DNAH5: variants seen among roughly 807,000 people sequenced by gnomAD.
DNAH5 encodes axonemal beta dynein heavy chain 5.
A neutral mutation model predicts 518.2 loss-of-function variants in DNAH5; 372 were observed. That is an observed-to-expected ratio of 0.72 (90% CI 0.66 to 0.78). The LOEUF is 0.78. Among genes scored for constraint, DNAH5 ranks in the 30% least tolerant of loss-of-function variants. The pLI, the probability that DNAH5 is intolerant of heterozygous loss-of-function variation, is 0.00. For synonymous variants in DNAH5, 2,039 were observed against 2,025.9 expected (o/e 1.01, Z -0.17); for missense variants, 5,523 against 5,687.0 (o/e 0.97, Z 0.93).
chr5:13,971,460 C>T (rs777514103), intron 1 of DNAH5, among the ~76,000 whole-genome samples: 8 of 152,236 alleles, frequency 5.3e-5, no homozygotes, highest in Non-Finnish European at 8.8e-5. Context: ...TTTGTCCCAC[C>T]GCGTGCTCCC....
intron 35 of DNAH5, among the ~76,000 whole-genome samples, chr5:13,834,001 T>C (rs1764038782): frequency 6.6e-6 from 1 of 152,228 alleles, no homozygotes; most frequent in African/African-American, 2.4e-5. Context: ...CCTCCAGCAT[T>C]TGACTTTTTA....
chr5:13,921,746 A>C (rs1580900314), intron 5 of DNAH5, among the ~76,000 whole-genome samples: 12 of 76,704 alleles, frequency 1.6e-4, no homozygotes, highest in South Asian at 4.0e-4. Context: ...TGCCGCCCAC[A>C]CACACCCCCC....
At chr5:13,994,371 G>A (rs547585231) in intron 1 of DNAH5, among the ~76,000 whole-genome samples, 81 of 152,250 alleles carry the variant, frequency 5.3e-4, no homozygotes, top group African/African-American at 1.8e-3. Flanking sequence ...AGAAGAGTAC[G>A]ATCATCATTC....
chr5:13,889,533 G>T (rs914666886), intron 17 of DNAH5, among the ~76,000 whole-genome samples: 1 of 152,150 alleles, frequency 6.6e-6, no homozygotes, highest in African/African-American at 2.4e-5. Flanking sequence ...TTTTAGGAGG[G>T]TTCCCCCTGT....
chr5:13,855,291 C>T (rs1767468518), intron 30 of DNAH5, among the ~76,000 whole-genome samples: 1 of 48,626 alleles, frequency 2.1e-5, no homozygotes, highest in African/African-American at 6.6e-5. Context: ...TCACTGCAAG[C>T]TCCGCCTCCC....
chr5:13,861,192 T>A (rs955066691), intron 29 of DNAH5, among the ~76,000 whole-genome samples: 1 of 152,210 alleles, frequency 6.6e-6, no homozygotes, highest in Admixed American at 6.5e-5. Flanking sequence ...GAGTGTCTTT[T>A]CTATCTCCCT....
At chr5:13,906,588 C>T (rs546507329) in intron 12 of DNAH5, among the ~76,000 whole-genome samples, 3 of 152,194 alleles carry the variant, frequency 2.0e-5, no homozygotes, top group East Asian at 1.9e-4. Flanking sequence ...AACTAGGCCA[C>T]GGAGGACATC....
At chr5:13,927,219 G>T (rs1443317748) in intron 3 of DNAH5, among the ~76,000 whole-genome samples, 1 of 152,112 alleles carries the variant, frequency 6.6e-6, no homozygotes, top group Admixed American at 6.5e-5. Flanking sequence ...TTTGGGCCAG[G>T]CACGGTGGCT....
chr5:13,823,721 G>A (rs975219112), intron 39 of DNAH5, among the ~76,000 whole-genome samples: 2 of 152,154 alleles, frequency 1.3e-5, no homozygotes, highest in African/African-American at 4.8e-5. Context: ...GCAGGTTTGT[G>A]AATTGGAATT....
At chr5:13,818,358 G>A (rs912767854) in intron 41 of DNAH5, among the ~76,000 whole-genome samples, 1 of 152,202 alleles carries the variant, frequency 6.6e-6, no homozygotes, top group Admixed American at 6.5e-5. Flanking sequence ...CAGCACTTTG[G>A]GGGGCCAAGG....
Position 13,978,118 on chromosome 5 carries a change from C to T in DNAH5, c.12+33530G>A, listed in dbSNP as rs569748424. The stretch of plus-strand genomic sequence containing the variant: ...TATGGAGCACTTTCATGCACAGACA[C>T]ACTGTGGCTTCAAGCTTGTAACAGC... On this transcript the variant is annotated intron_variant, in intron 1 of 78. Transcript: ENST00000681290. Among the ~76,000 whole-genome samples, 136 of 152,318 alleles carry T rather than the reference C, an allele frequency of 8.9e-4. 1 individual carries two copies. The highest frequency in any genetic ancestry group is 3.4e-3 in the Middle Eastern group (1 of 294).
intron 65 of DNAH5, among the ~76,000 whole-genome samples, chr5:13,742,583 A>G (rs1330641848): frequency 6.6e-6 from 1 of 152,138 alleles, no homozygotes; most frequent in East Asian, 1.9e-4. Flanking sequence ...AAATAAACAT[A>G]GTAACGATGT....
At position 13,900,255 on chromosome 5, in the gene DNAH5, G is replaced by A; in HGVS notation, c.2210C>T (p.Ser737Phe). 6.2e-7 allele frequency: 1 copy of A among 1,614,128 alleles called. No individual in the cohort carries two copies. The highest frequency in any genetic ancestry group is 8.5e-7 in the Non-Finnish European group (1 of 1,179,988). The change falls in exon 15 of 79, where the codon TCC becomes TTC. Residue 737 changes from serine (S) to phenylalanine (F), a missense_variant. Ser to Phe is a radical substitution (Grantham distance 155). Around this residue, in one of 3 missense-constraint regions of DNAH5, gnomAD observed 5,121 missense variants for 5,223.3 expected, o/e 0.98. Transcript: ENST00000265104. ...GTATCTATCTCGTTTCTGGAAGAGG[G>A]AAGTTGCCAGTGGAGAGACTTCCAG... ...MGLEVSPLATSLFQKRDRYKR... is the reference protein window; with the variant it reads ...MGLEVSPLATFLFQKRDRYKR...
intron 8 of DNAH5, 67 bp downstream of exon 8, chr5:13,917,076 A>C (rs1776721760): frequency 8.0e-7 from 1 of 1,242,762 alleles, no homozygotes; most frequent in Admixed American, 1.7e-5. Context: ...AACAAAATTC[A>C]ATATTCAATT....
In DNAH5 at chr5:13,900,355, CT is replaced by C; in HGVS notation, c.2109del (p.Glu705AsnfsTer4). ...GGGTCAAAGTTTACAAACAATTCCCCTGTGCCTGGAGCCTTCACCAATAATG... is the reference window on the plus strand; with the variant it reads ...GGGTCAAAGTTTACAAACAATTCCCCGTGCCTGGAGCCTTCACCAATAATG... ...EASLLVKAPG[T>X]GELFVNFDPQ... On this transcript the variant is annotated frameshift_variant, in exon 15 of 79. Transcript: ENST00000265104. LOFTEE classifies it high-confidence loss of function. 1.2e-6 allele frequency: 2 copies of C among 1,614,142 alleles called. No homozygotes were observed. Among genetic ancestry groups the C allele is most frequent in the Non-Finnish European group, 1.7e-6 (2 of 1,180,008 alleles).
chr5:13,777,040 A>G (rs1754192261), intron 54 of DNAH5, among the ~76,000 whole-genome samples, 162 bp downstream of exon 54: 1 of 152,068 alleles, frequency 6.6e-6, no homozygotes, highest in Admixed American at 6.6e-5. Context: ...GGAGAGTTTT[A>G]TTCTTCAAAA....
intron 21 of DNAH5, among the ~76,000 whole-genome samples, chr5:13,877,839 C>A (rs1771103372): frequency 6.6e-6 from 1 of 152,156 alleles, no homozygotes; most frequent in South Asian, 2.1e-4. Flanking sequence ...ACACAAGAGT[C>A]TCTCTGGACC....
chr5:13,745,109 G>C (rs1749150013), intron 65 of DNAH5, among the ~76,000 whole-genome samples: 1 of 152,074 alleles, frequency 6.6e-6, no homozygotes, highest in African/African-American at 2.4e-5. Context: ...TGTATTGTGT[G>C]ACCAGCAGGA....
intron 1 of DNAH5, among the ~76,000 whole-genome samples, chr5:13,952,964 T>C (rs1452087410): frequency 6.6e-6 from 1 of 152,224 alleles, no homozygotes; most frequent in African/African-American, 2.4e-5. Context: ...CACTGTAACA[T>C]AACTTGTGAT....
Sources: allele counts gnomAD v4.1 joint callset (sites outside exome capture counted in the v4.1 genomes callset), GRCh38; gene constraint gnomAD v4.1.1; regional missense constraint gnomAD v4.1.1; transcripts MANE v1.5; gene names NCBI Gene and HGNC (gene_info 2026-07-23, HGNC 2026-07-21).